NOSIP: variants seen among roughly 807,000 people sequenced by gnomAD.
NOSIP encodes nitric oxide synthase interacting protein.
In NOSIP, 25 loss-of-function variants were observed where a neutral mutation model predicts 36.4. That is an observed-to-expected ratio of 0.69 (90% confidence interval 0.50 to 0.96). NOSIP has a LOEUF of 0.96. Among genes scored for constraint, NOSIP ranks in the 40% least tolerant of loss-of-function variants. The pLI is 0.00. For missense variants in NOSIP, 370 were observed against 429.0 expected (o/e 0.86, Z 1.21); for synonymous variants, 187 against 179.2 (o/e 1.04, Z -0.35).
intron 8 of NOSIP, 21 bp downstream of exon 8, chr19:49,556,296 G>T: frequency 6.4e-7 from 1 of 1,554,226 alleles, no homozygotes; most frequent in Non-Finnish European, 8.8e-7. Flanking sequence ...GCTGGGGGAA[G>T]GGGAGGGGTG....
chr19:49,577,264 A>C (rs2080565432), intron 1 of NOSIP, among the ~76,000 whole-genome samples: 1 of 152,202 alleles, frequency 6.6e-6, no homozygotes, highest in Non-Finnish European at 1.5e-5. Context: ...AAATAAAAAC[A>C]TACATCCATG....
intron 4 of NOSIP, 76 bp from the exon 5 acceptor site, chr19:49,557,325 A>G (rs1439233798): frequency 6.7e-7 from 1 of 1,488,418 alleles, no homozygotes; most frequent in African/African-American, 1.4e-5. Context: ...AGGTAGGTAA[A>G]CTGAGGCCCA....
At chr19:49,566,565 T>G (rs975677765) in intron 1 of NOSIP, 6 of 152,102 alleles carry the variant, frequency 3.9e-5, no homozygotes, top group Non-Finnish European at 8.8e-5. Flanking sequence ...CCTCCCAAAG[T>G]GCTAGGATGA....
intron 1 of NOSIP, among the ~76,000 whole-genome samples, chr19:49,563,470 C>T (rs2080362228): frequency 6.7e-6 from 1 of 149,806 alleles, no homozygotes. Context: ...GCACCTGGCA[C>T]ATCATATCTT....
intron 1 of NOSIP, among the ~76,000 whole-genome samples, chr19:49,573,666 G>C (rs1037042464): frequency 6.6e-6 from 1 of 152,120 alleles, no homozygotes; most frequent in Admixed American, 6.6e-5. Flanking sequence ...AGCACTGGAA[G>C]AACAGAAGTA....
Position 49,557,133 on chromosome 19 carries a change from G to A in NOSIP, c.375C>T (p.Pro125=). The change falls in exon 5 of 9, where the codon CCC becomes CCT. Residue 125 remains proline, a synonymous_variant. Coordinates refer to ENST00000596358, the MANE Select transcript of NOSIP (RefSeq NM_001270960.2). ...GGGCCTTGGCTGTGAAAGGGTTGAG[G>A]GGCCGGCTCACGATAGCCGACTCCT... is the stretch of plus-strand genomic sequence containing the variant. ...LEKESAIVSR[P]LNPFTAKALS... The A allele has an allele frequency of 1.4e-5, 22 of 1,612,878 alleles. No individual in the cohort carries two copies. Among genetic ancestry groups the A allele is most frequent in the East Asian group, 6.7e-5 (3 of 44,854 alleles).
At chr19:49,575,816 G>GT (rs1434665765) in intron 1 of NOSIP, among the ~76,000 whole-genome samples, 1 of 152,110 alleles carries the variant, frequency 6.6e-6, no homozygotes, top group Non-Finnish European at 1.5e-5. Context: ...CATTCTTTTG[G>GT]TTTTTTCCAG....
At position 49,560,387 on chromosome 19, in the gene NOSIP, C is replaced by CTT; in HGVS notation, c.70+234_70+235insAA. 1.7e-6 allele frequency: 1 copy of CTT among 586,592 alleles called. No homozygotes were observed. Among genetic ancestry groups the CTT allele is most frequent in the Non-Finnish European group, 3.0e-6 (1 of 328,248 alleles). The allele number at this position is 586,592 out of a possible 1,614,324, so 36.3% of individuals were successfully genotyped here. On this transcript the variant is annotated intron_variant, in intron 2 of 8. Transcript: ENST00000596358. This position sits in a 1 kb window ranked among gnomAD's most constrained non-coding sequence, Gnocchi z 4.6. ...TCTGGAACATGGGGTAACAAGAGCACCCTCCCTGACACTCTGTTGGGAGGA... is the reference window on the plus strand; with the variant it reads ...TCTGGAACATGGGGTAACAAGAGCACTTCCTCCCTGACACTCTGTTGGGAGGA...
intron 8 of NOSIP, 92 bp from the exon 9 acceptor site, chr19:49,555,914 A>T: frequency 1.1e-6 from 1 of 924,404 alleles, no homozygotes; most frequent in Non-Finnish European, 1.7e-6. Flanking sequence ...AAGCGGGTCA[A>T]GGTGAAGCGG....
In NOSIP at chr19:49,558,685, G is replaced by A. The variant is rs2080290363; in HGVS notation, c.258+212C>T. 7 of 618,560 alleles carry A rather than the reference G, an allele frequency of 1.1e-5. No individual in the cohort carries two copies. The Admixed American group carries it at 1.9e-4, about 17-fold the overall frequency. The allele number at this position is 618,560 out of a possible 1,614,324, so 38.3% of individuals were successfully genotyped here. On this transcript the variant is annotated intron_variant, in intron 4 of 8. Transcript: ENST00000596358. Reference sequence around the variant, plus strand: ...AACTATGCTAAGTGCTAAGAGAAGAGGTGACTGGGGCAGATCCTGGGGACT... The same window carrying A: ...AACTATGCTAAGTGCTAAGAGAAGAAGTGACTGGGGCAGATCCTGGGGACT...
chr19:49,561,160 C>T (rs1238968823), intron 1 of NOSIP, among the ~76,000 whole-genome samples: 3 of 152,140 alleles, frequency 2.0e-5, no homozygotes, highest in African/African-American at 7.2e-5. Context: ...GGGCACTTAG[C>T]TAAGGCTTGA....
intron 8 of NOSIP, among the ~76,000 whole-genome samples, chr19:49,556,094 G>GGGGCCTTAAAAAATAGGGCAGGGGCA (rs200191784): frequency 4.2e-4 from 49 of 116,802 alleles, no homozygotes; most frequent in African/African-American, 2.0e-3. Flanking sequence ...GGGAAGGGGC[G>GGGGCCTTAAAAAATAGGGCAGGGGCA]GGGCCTTGAA....
At chr19:49,559,831 G>A in intron 3 of NOSIP, 103 bp downstream of exon 3, 1 of 768,910 alleles carries the variant, frequency 1.3e-6, no homozygotes, top group South Asian at 1.5e-5. Flanking sequence ...GCTCATCCAG[G>A]GTTCCCTGGC....
At chr19:49,575,003 C>T (rs2080532914) in intron 1 of NOSIP, among the ~76,000 whole-genome samples, 1 of 151,996 alleles carries the variant, frequency 6.6e-6, no homozygotes, top group Admixed American at 6.6e-5. Flanking sequence ...GCTGGGACTA[C>T]AGGCGCCCGC....
chr19:49,560,023 C>T lies in NOSIP; in HGVS notation c.87G>A (p.Gly29=). 6.2e-7 allele frequency: 1 copy of T among 1,613,560 alleles called. No individual in the cohort carries two copies. The highest frequency in any genetic ancestry group is 8.5e-7 in the Non-Finnish European group (1 of 1,179,638). Residue 29 remains glycine, a synonymous_variant, in exon 3 of 9, where the codon GGG becomes GGA. Coordinates refer to ENST00000596358, the MANE Select transcript of NOSIP (RefSeq NM_001270960.2). This position sits in a 1 kb window ranked among gnomAD's most constrained non-coding sequence, Gnocchi z 4.6. The part of the protein sequence containing the change: ...KKKDTAASGY[G]TQNIRLSRDA... The stretch of plus-strand genomic sequence containing the variant: ...CCCGGCTCAGTCGAATGTTCTGGGT[C>T]CCATAGCCCGAGGCCGCTGGGGACA...
chr19:49,557,933 CAG>C (rs948505061), intron 4 of NOSIP: 1 of 987,190 alleles, frequency 1.0e-6, no homozygotes, highest in Non-Finnish European at 1.2e-6. Flanking sequence ...GACATGGGCA[CAG>C]GGGGAGCCAC....
intron 1 of NOSIP, among the ~76,000 whole-genome samples, chr19:49,572,653 AT>A (rs749947844): frequency 2.3e-5 from 3 of 127,784 alleles, no homozygotes; most frequent in Non-Finnish European, 4.8e-5. Flanking sequence ...CAGATGCTAA[AT>A]TTTCATTGGA....
rs60637720 is a variant in NOSIP, at chr19:49,571,137, ATT to A, written c.-2+9376_-2+9377del. The stretch of plus-strand genomic sequence containing the variant: ...GATAACAGGCGCCCACGCCCAGCTA[ATT>A]TTTTTTTTTTTTTTTTTGTATTTTT... On this transcript the variant is annotated intron_variant, in intron 1 of 8. Coordinates refer to ENST00000596358, the MANE Select transcript of NOSIP (RefSeq NM_001270960.2). Among the ~76,000 whole-genome samples the A allele has an allele frequency of 3.0e-3, 397 of 131,290 alleles. 3 individuals carry two copies. Among genetic ancestry groups the A allele is most frequent in the South Asian group, 0.022 (91 of 4,058 alleles). 86.1% of individuals were successfully genotyped at this position (131,290 alleles called of 152,430 possible). A position where few individuals can be genotyped will look rare whatever the true frequency, so the allele number is the denominator to read the frequency against.
In NOSIP at chr19:49,557,417, G is replaced by A. The variant is rs1041603591; in HGVS notation, c.259-168C>T. Reference sequence around the variant, plus strand: ...GGGTGGGTGTGAACCTTACTGCGTTGTATAGCCAGACTGCCAGGGCTCAAA... The same window carrying A: ...GGGTGGGTGTGAACCTTACTGCGTTATATAGCCAGACTGCCAGGGCTCAAA... On this transcript the variant is annotated intron_variant, in intron 4 of 8. Coordinates refer to ENST00000596358, the MANE Select transcript of NOSIP (RefSeq NM_001270960.2). The A allele has an allele frequency of 4.9e-6, 7 of 1,428,270 alleles. No homozygotes were observed. In the African/African-American group the frequency reaches 1.0e-4, roughly 20 times the overall value. 88.5% of individuals were successfully genotyped at this position (1,428,270 alleles called of 1,614,324 possible).
Sources: allele counts gnomAD v4.1 joint callset (sites outside exome capture counted in the v4.1 genomes callset), GRCh38; gene constraint gnomAD v4.1.1; non-coding constraint Gnocchi (gnomAD v3.1); transcripts MANE v1.5; gene names NCBI Gene and HGNC (gene_info 2026-07-23, HGNC 2026-07-21).